ERAP1: variants seen among roughly 807,000 people sequenced by gnomAD.
ERAP1 encodes the protein adipocyte-derived leucine aminopeptidase.
A neutral mutation model predicts 103.7 loss-of-function variants in ERAP1; 86 were observed. The ratio of observed to expected loss-of-function variants is 0.83; its 90% CI spans 0.70 to 0.99. ERAP1 has a LOEUF of 0.99. Among genes scored for constraint, ERAP1 ranks in the 50% least tolerant of loss-of-function variants. ERAP1 has a pLI of 0.00. For synonymous variants in ERAP1, 398 were observed against 402.4 expected (o/e 0.99, Z 0.13); for missense variants, 1,009 against 1,128.4 (o/e 0.89, Z 1.52).
chr5:96,894,193 C>CTGAA, the ERAP1 span, among the ~76,000 whole-genome samples: 1 of 152,212 alleles, frequency 6.6e-6, no homozygotes, highest in East Asian at 1.9e-4. Context: ...TAGGTATTTA[C>CTGAA]TGAATGAATG....
At chr5:96,859,624 A>G in the ERAP1 span, among the ~76,000 whole-genome samples, 22 of 152,268 alleles carry the variant, frequency 1.4e-4, no homozygotes, top group Non-Finnish European at 2.9e-4. Context: ...TCATCTAGTC[A>G]CTGTTAAGAC....
At chr5:96,777,876 A>C (rs1013307554) in intron 18 of ERAP1, among the ~76,000 whole-genome samples, 7 of 152,308 alleles carry the variant, frequency 4.6e-5, no homozygotes, top group South Asian at 2.1e-4. Flanking sequence ...GAAATGCAAC[A>C]TCTCCACTGA....
the ERAP1 span, chr5:96,900,178 A>G: frequency 1.9e-6 from 3 of 1,613,738 alleles, no homozygotes; most frequent in African/African-American, 4.0e-5. Flanking sequence ...TCCCAAGATG[A>G]CAAGTAACAT....
At chr5:96,807,657 C>A (rs1167484571) in intron 1 of ERAP1, among the ~76,000 whole-genome samples, 1 of 151,552 alleles carries the variant, frequency 6.6e-6, no homozygotes. Context: ...CCGCCCTTCC[C>A]GCGCCCTGTC....
At chr5:96,917,475 T>C in the ERAP1 span, 1 of 1,609,876 alleles carries the variant, frequency 6.2e-7, no homozygotes, top group South Asian at 1.1e-5. Flanking sequence ...AAACTATTTT[T>C]TGAATCTCTT....
At chr5:96,930,353 A>AT in the ERAP1 span, among the ~76,000 whole-genome samples, 1 of 152,166 alleles carries the variant, frequency 6.6e-6, no homozygotes, top group Non-Finnish European at 1.5e-5. Flanking sequence ...TAACACTGCC[A>AT]TTTTTTGTAT....
the ERAP1 span, among the ~76,000 whole-genome samples, chr5:96,854,728 C>T: frequency 2.0e-5 from 3 of 152,110 alleles, no homozygotes; most frequent in African/African-American, 2.4e-5. Context: ...GGGCATTTGC[C>T]ATAAAATTTC....
At chr5:96,896,085 A>G in the ERAP1 span, among the ~76,000 whole-genome samples, 83 of 152,314 alleles carry the variant, frequency 5.4e-4, no homozygotes, top group South Asian at 0.017. Flanking sequence ...ACAAGTATTC[A>G]CTAAATGGAA....
rs746417671 is a variant in ERAP1, at chr5:96,784,091, G to A, written c.1944-11C>T. ...GACAGCTTCCCAATGCTGACCAAGA[G>A]ACACTGTGGTTAGTGGTTTAAAAGT... On this transcript the variant is annotated splice_polypyrimidine_tract_variant and intron_variant, in intron 13 of 18. Transcript: ENST00000443439. The A allele has an allele frequency of 7.4e-6, 12 of 1,613,868 alleles. No individual in the cohort carries two copies. Among genetic ancestry groups the A allele is most frequent in the Non-Finnish European group, 1.0e-5 (12 of 1,179,884 alleles).
At chr5:96,933,393 C>T in the ERAP1 span, among the ~76,000 whole-genome samples, 3,965 of 151,786 alleles carry the variant, frequency 0.026, 176 homozygotes, top group African/African-American at 0.091. Context: ...CCACCACTCC[C>T]GGCTAATTTT....
At chr5:96,784,980 T>C (rs1775796363) in intron 13 of ERAP1, 1 of 152,160 alleles carries the variant, frequency 6.6e-6, no homozygotes, top group Non-Finnish European at 1.5e-5. Flanking sequence ...CATAACTTTC[T>C]CCCCCATTGC....
chr5:96,926,263 C>A, the ERAP1 span, among the ~76,000 whole-genome samples: 4 of 152,146 alleles, frequency 2.6e-5, 1 homozygote, highest in South Asian at 6.2e-4. Context: ...AAAAGTATAA[C>A]CTCAAGTCTT....
the ERAP1 span, among the ~76,000 whole-genome samples, chr5:96,840,694 C>CT: frequency 3.7e-5 from 5 of 135,354 alleles, no homozygotes; most frequent in South Asian, 2.5e-4. Context: ...AGGCATTGGA[C>CT]TTTTTTTTTC....
the ERAP1 span, among the ~76,000 whole-genome samples, chr5:96,874,180 A>AAGAAAGAGAG: frequency 3.2e-3 from 263 of 82,240 alleles, no homozygotes; most frequent in African/African-American, 0.014. Context: ...GAAAGAAAGA[A>AAGAAAGAGAG]AGAGAGAGAG....
chr5:96,851,259 T>TC, the ERAP1 span, among the ~76,000 whole-genome samples: 7 of 152,194 alleles, frequency 4.6e-5, no homozygotes, highest in African/African-American at 1.7e-4. Flanking sequence ...AATAATTCTG[T>TC]CCCTGTTGAA....
At chr5:96,908,857 G>C in the ERAP1 span, 1 of 1,198,890 alleles carries the variant, frequency 8.3e-7, no homozygotes. Context: ...CAGCTATAAT[G>C]ACCTACTTCT....
At chr5:96,851,233 A>C in the ERAP1 span, among the ~76,000 whole-genome samples, 1 of 152,192 alleles carries the variant, frequency 6.6e-6, no homozygotes, top group Admixed American at 6.6e-5. Context: ...GATTATCTAA[A>C]AGTAATTTTC....
At chr5:96,859,316 C>T in the ERAP1 span, among the ~76,000 whole-genome samples, 1 of 152,276 alleles carries the variant, frequency 6.6e-6, no homozygotes, top group African/African-American at 2.4e-5. Context: ...AGAGTCCAAA[C>T]ACAGCAGGGG....
At chr5:96,763,962 T>C (rs1768892275) in intron 19 of ERAP1, among the ~76,000 whole-genome samples, 1 of 119,332 alleles carries the variant, frequency 8.4e-6, no homozygotes, top group Admixed American at 7.9e-5. Context: ...GCTTTTTACC[T>C]CAAAAAAAAA....
Sources: gnomAD v4.1 joint callset for allele counts (sites outside exome capture counted in the v4.1 genomes callset) on GRCh38, gnomAD v4.1.1 for gene constraint, MANE v1.5 for transcripts, NCBI Gene and HGNC (gene_info 2026-07-23, HGNC 2026-07-21) for gene names.